The following VAV1 variants were observed in gnomAD, a reference collection of about 807,000 sequenced individuals.
The protein encoded by VAV1 is vav guanine nucleotide exchange factor 1.
In VAV1, 33 loss-of-function variants were observed where a neutral mutation model predicts 128.1. That is an observed-to-expected ratio of 0.26 (90% CI 0.20 to 0.34). VAV1 has a LOEUF of 0.34. Among genes scored for constraint, VAV1 ranks in the 10% least tolerant of loss-of-function variants. VAV1 has a pLI of 1.00. For missense variants in VAV1, 715 were observed against 1,093.7 expected (o/e 0.65, Z 4.88); for synonymous variants, 394 against 409.8 (o/e 0.96, Z 0.47).
chr19:6,851,284 C>T (rs1381414624), intron 24 of VAV1, among the ~76,000 whole-genome samples: 4 of 151,922 alleles, frequency 2.6e-5, no homozygotes, highest in Admixed American at 6.6e-5. Context: ...AATAATCTCT[C>T]GCCTCAGCCT....
rs559220122 is a variant in VAV1 at position 6,789,593 on chromosome 19, C to CTTCCTTCCTTCCTTCCTTCCTTCCT, written c.204+16583_204+16584insTCCTTCCTTCCTTCCTTCCTTCCTT. Among the ~76,000 whole-genome samples the CTTCCTTCCTTCCTTCCTTCCTTCCT allele has an allele frequency of 1.1e-3, 158 of 150,096 alleles. 2 individuals are homozygous for CTTCCTTCCTTCCTTCCTTCCTTCCT. Among genetic ancestry groups the CTTCCTTCCTTCCTTCCTTCCTTCCT allele is most frequent in the African/African-American group, 3.8e-3 (153 of 40,440 alleles). The stretch of plus-strand genomic sequence containing the variant: ...TTCTGCTTTCTTTTCTTTTCTTTCC[C>CTTCCTTCCTTCCTTCCTTCCTTCCT]TCCTTCCTTCCTTCCTTCCTTTCTG... On this transcript the variant is annotated intron_variant, in intron 1 of 26. Transcript: ENST00000602142.
At position 6,828,105 on chromosome 19, in the gene VAV1, G is replaced by A. The variant is rs756202184; in HGVS notation, c.957G>A (p.Arg319=). The A allele has an allele frequency of 4.3e-6, 7 of 1,614,146 alleles. No homozygotes were observed. In the East Asian group the frequency reaches 1.6e-4, roughly 36 times the overall value. ...EECSQRANNG[R]FTLRDLLMVP... is the part of the protein sequence containing the mutation. ...GTTCTCAGAGAGCCAACAACGGGAG[G>A]TTCACCCTGCGGGACCTGCTGATGG... is the stretch of plus-strand genomic sequence containing the variant. The change falls in exon 10 of 27, where the codon AGG becomes AGA. Residue 319 remains arginine, a synonymous_variant. Transcript: ENST00000602142. The surrounding 1 kb of genome is among the most constrained non-coding windows in gnomAD (Gnocchi z 4.5).
intron 21 of VAV1, among the ~76,000 whole-genome samples, chr19:6,842,082 C>T (rs543841451): frequency 6.6e-6 from 1 of 151,940 alleles, no homozygotes; most frequent in South Asian, 2.1e-4. Context: ...CAAAATTAGC[C>T]GGGCGTGGTG....
At chr19:6,798,381 C>A (rs1485834533) in intron 1 of VAV1, among the ~76,000 whole-genome samples, 1 of 151,754 alleles carries the variant, frequency 6.6e-6, no homozygotes, top group Admixed American at 6.6e-5. Context: ...TAATCTCGCC[C>A]CTTTGGGAAG....
In VAV1 at chr19:6,832,128, C is replaced by T; in HGVS notation, c.1436C>T (p.Ala479Val). ...TTCCTCCTGATCGAGGACCAAGGTG[C>T]CCAGGGCTATGAGCTGTTCTTCAAG... is the stretch of plus-strand genomic sequence containing the variant. ...HMFLLIEDQG[A>V]QGYELFFKTR... Residue 479 changes from alanine (A) to valine (V), a missense_variant, in exon 15 of 27, where the codon GCC becomes GTC. This residue lies in a region of VAV1 where 407 missense variants were observed against 580.6 expected (regional missense o/e 0.70). Transcript: ENST00000602142. The T allele has an allele frequency of 2.5e-6, 4 of 1,614,038 alleles. No homozygotes were observed. The highest frequency in any genetic ancestry group is 3.4e-6 in the Non-Finnish European group (4 of 1,180,004).
chr19:6,781,686 C>A (rs1015662814), intron 1 of VAV1, among the ~76,000 whole-genome samples: 2 of 151,720 alleles, frequency 1.3e-5, no homozygotes, highest in African/African-American at 4.8e-5. Context: ...CAGCTCACTG[C>A]AACCTCCGCC....
intron 13 of VAV1, 123 bp downstream of exon 13, chr19:6,829,023 G>A: frequency 2.6e-5 from 30 of 1,164,266 alleles, no homozygotes; most frequent in Non-Finnish European, 3.6e-5. Flanking sequence ...GGCGGGGCCG[G>A]GCTTCTAGAT....
intron 1 of VAV1, among the ~76,000 whole-genome samples, chr19:6,780,181 C>A (rs1356621655): frequency 6.7e-6 from 1 of 149,188 alleles, no homozygotes; most frequent in African/African-American, 2.4e-5. Context: ...AATCATTTTC[C>A]AGCTCCTCTG....
At chr19:6,846,247 TATA>T (rs1972518998) in intron 22 of VAV1, among the ~76,000 whole-genome samples, 1 of 151,352 alleles carries the variant, frequency 6.6e-6, no homozygotes, top group Admixed American at 6.6e-5. Context: ...CATTATATAC[TATA>T]ATATACATTA....
At position 6,814,667 on chromosome 19, in the gene VAV1, C is replaced by CCTTCCTTCCTTCCTTTCTTT. The variant is rs1971586781; in HGVS notation, c.205-6028_205-6027insCCTTCCTTTCTTTCTTCCTT. 4.5e-3 allele frequency among the ~76,000 whole-genome samples: 114 copies of CCTTCCTTCCTTCCTTTCTTT among 25,106 alleles called. 7 individuals are homozygous for CCTTCCTTCCTTCCTTTCTTT. The highest frequency in any genetic ancestry group is 0.021 in the African/African-American group (89 of 4,302). 16.5% of individuals were successfully genotyped at this position (25,106 alleles called of 152,430 possible). A position where few individuals can be genotyped will look rare whatever the true frequency, so the allele number is the denominator to read the frequency against. On this transcript the variant is annotated intron_variant, in intron 1 of 26. Transcript: ENST00000602142. ...TCCTTCCTTCCTTCCTTCCTTCCTT[C>CCTTCCTTCCTTCCTTTCTTT]CTTCCTTTCTTTCTTTCTTTCTTTC... is the stretch of plus-strand genomic sequence containing the variant.
chr19:6,852,613 C>A (rs1011616791), intron 24 of VAV1, among the ~76,000 whole-genome samples: 3 of 151,400 alleles, frequency 2.0e-5, no homozygotes, highest in Non-Finnish European at 4.4e-5. Context: ...CCCAGCTACT[C>A]GGGAGGCTGA....
At chr19:6,831,398 G>C (rs1021688481) in intron 14 of VAV1, among the ~76,000 whole-genome samples, 2 of 151,918 alleles carry the variant, frequency 1.3e-5, no homozygotes, top group African/African-American at 4.8e-5. Context: ...TGCAACCTCC[G>C]CCTCCTGAGT....
intron 4 of VAV1, 100 bp downstream of exon 4, chr19:6,821,959 T>A (rs1971800084): frequency 6.7e-7 from 1 of 1,491,846 alleles, no homozygotes. Context: ...AATAAGGTCA[T>A]ACCCTGGTGT....
At chr19:6,779,859 T>C (rs946722076) in intron 1 of VAV1, among the ~76,000 whole-genome samples, 6 of 148,254 alleles carry the variant, frequency 4.0e-5, no homozygotes, top group South Asian at 2.2e-4. Flanking sequence ...CACCTGTAAT[T>C]CCAGCACTTT....
intron 1 of VAV1, among the ~76,000 whole-genome samples, chr19:6,813,652 A>C (rs971556494): frequency 3.3e-5 from 5 of 152,110 alleles, no homozygotes; most frequent in African/African-American, 7.2e-5. Flanking sequence ...TTTCTATACA[A>C]ATCTTAGGAT....
intron 23 of VAV1, among the ~76,000 whole-genome samples, 198 bp from the exon 24 acceptor site, chr19:6,850,472 C>T (rs1268524084): frequency 6.6e-6 from 1 of 151,282 alleles, no homozygotes; most frequent in Admixed American, 6.6e-5. Context: ...GAAGATGATT[C>T]CTCTTCTACG....
chr19:6,774,517 C>T (rs1473500079), intron 1 of VAV1, among the ~76,000 whole-genome samples: 1 of 146,504 alleles, frequency 6.8e-6, no homozygotes, highest in Non-Finnish European at 1.5e-5. Flanking sequence ...TCACTGCAAC[C>T]TTAGCCTCTC....
chr19:6,840,183 G>C (rs1972334535), intron 21 of VAV1, among the ~76,000 whole-genome samples: 1 of 151,970 alleles, frequency 6.6e-6, no homozygotes, highest in African/African-American at 2.4e-5. Context: ...GGATTTTTCT[G>C]TCCTAAGTAC....
At chr19:6,810,436 G>A (rs916583753) in intron 1 of VAV1, among the ~76,000 whole-genome samples, 3 of 152,176 alleles carry the variant, frequency 2.0e-5, no homozygotes, top group African/African-American at 7.2e-5. Context: ...GGGCACAGTG[G>A]TTCATGCCTT....
Sources: gnomAD v4.1 joint callset for allele counts (sites outside exome capture counted in the v4.1 genomes callset) on GRCh38, gnomAD v4.1.1 for gene constraint, gnomAD v4.1.1 regional missense constraint, Gnocchi (gnomAD v3.1) non-coding constraint, MANE v1.5 for transcripts, NCBI Gene and HGNC (gene_info 2026-07-23, HGNC 2026-07-21) for gene names.